Variants in SCNN1D observed in about 807,000 individuals in gnomAD.
SCNN1D encodes epithelial sodium channel subunit delta.
SCNN1D carries 104 observed loss-of-function variants against 87.8 expected under a neutral mutation model. The ratio of observed to expected loss-of-function variants is 1.18; its 90% CI spans 1.01 to 1.39. The LOEUF (loss-of-function observed/expected upper bound fraction) is 1.39, where lower values mean the gene tolerates loss of function less well. SCNN1D is among the 40% of genes most tolerant of loss of function. The pLI is 0.00. For missense variants in SCNN1D, 1,324 were observed against 1,093.9 expected (o/e 1.21, Z -2.97); for synonymous variants, 628 against 481.2 (o/e 1.31, Z -3.99).
At chr1:1,288,507 C>T (rs867662711) in intron 12 of SCNN1D, among the ~76,000 whole-genome samples, 459 of 43,768 alleles carry the variant, frequency 0.01, no homozygotes, top group East Asian at 0.012. Flanking sequence ...GTGTCTCTGC[C>T]CCGTCCCGTG....
chr1:1,280,881 C>T (rs994226039), intron 1 of SCNN1D: 4 of 585,864 alleles, frequency 6.8e-6, no homozygotes, highest in African/African-American at 1.9e-5. Context: ...ACCCTCAGCA[C>T]CCACCCAGGC....
Position 1,291,659 on chromosome 1 carries a change from G to A in SCNN1D, c.*49G>A, listed in dbSNP as rs754742114. 7.1e-7 allele frequency: 1 copy of A among 1,399,252 alleles called. No homozygotes were observed. Among genetic ancestry groups the A allele is most frequent in the South Asian group, 1.5e-5 (1 of 68,356 alleles). The allele number at this position is 1,399,252 out of a possible 1,614,324, so 86.7% of individuals were successfully genotyped here. Reference sequence around the variant, plus strand: ...ATCTCTTGGCCTGGTCCTTGCAGCTGTGGCAGCAGCAGGCTCCCCAGCGGC... The same window carrying A: ...ATCTCTTGGCCTGGTCCTTGCAGCTATGGCAGCAGCAGGCTCCCCAGCGGC... On this transcript the variant is annotated 3_prime_UTR_variant, in exon 18 of 18. Transcript: ENST00000379116.
chr1:1,280,815 CGCACCTTACTCCTCCCAGCA>C, intron 1 of SCNN1D, 149 bp downstream of exon 1: 1 of 625,096 alleles, frequency 1.6e-6, no homozygotes, highest in East Asian at 2.8e-5. Context: ...GCAGCCCACA[CGCACCTTACTCCTCCCAGCA>C]GGGGACACCG....
In SCNN1D at chr1:1,286,804, C is replaced by T. The variant is rs773467246; in HGVS notation, c.948C>T (p.Asp316=). 33 of 1,612,572 alleles carry T rather than the reference C, an allele frequency of 2.0e-5. No individual in the cohort carries two copies. The highest frequency in any genetic ancestry group is 1.3e-4 in the Admixed American group (8 of 59,998). The change falls in exon 8 of 18, where the codon GAC becomes GAT. Residue 316 remains aspartate (D), a synonymous_variant. Transcript: ENST00000379116. ...SPVLRHLELL[D]EFARENIDSL... Reference sequence around the variant, plus strand: ...TCCTCCGCCATCTGGAGCTGCTGGACGAGTTTGCCAGGGAGAACATTGACT... The same window carrying T: ...TCCTCCGCCATCTGGAGCTGCTGGATGAGTTTGCCAGGGAGAACATTGACT...
Position 1,291,065 on chromosome 1 carries a change from G to A in SCNN1D, c.1977G>A (p.Arg659=), listed in dbSNP as rs1411348134. 3.1e-6 allele frequency: 5 copies of A among 1,611,932 alleles called. No homozygotes were observed. Among genetic ancestry groups the A allele is most frequent in the Middle Eastern group, 3.3e-4 (2 of 6,058 alleles). ...CCCTCATGCCTCTATCCTGCCCCAG[G>A]AGCAGCCTGGCCAAAATCAACATCG... ...QGLPHQSHRQ[R]SSLAKINIVY... The change falls in exon 17 of 18, where the codon AGG becomes AGA. Residue 659 remains arginine, a splice_region_variant and synonymous_variant. Coordinates refer to ENST00000379116, the MANE Select transcript of SCNN1D (RefSeq NM_001130413.4).
chr1:1,283,397 A>G (rs1183872069), intron 4 of SCNN1D, among the ~76,000 whole-genome samples: 1 of 152,164 alleles, frequency 6.6e-6, no homozygotes, highest in African/African-American at 2.4e-5. Context: ...AGGAGCTGGC[A>G]GAGAAAGATG....
Position 1,290,558 on chromosome 1 carries a change from G to A in SCNN1D, c.1859+3G>A, listed in dbSNP as rs543630620. Reference sequence around the variant, plus strand: ...TCCCGCTGCCCCAGGCCCTGCAGGTGAGACGGGGGTGTTGGGGTCGCGGCC... The same window carrying A: ...TCCCGCTGCCCCAGGCCCTGCAGGTAAGACGGGGGTGTTGGGGTCGCGGCC... On this transcript the variant is annotated splice_donor_region_variant and intron_variant, in intron 14 of 17. Coordinates refer to ENST00000379116, the MANE Select transcript of SCNN1D (RefSeq NM_001130413.4). 2 of 1,612,624 alleles carry A rather than the reference G, an allele frequency of 1.2e-6. No individual in the cohort carries two copies. Among genetic ancestry groups the A allele is most frequent in the Non-Finnish European group, 1.7e-6 (2 of 1,179,900 alleles).
intron 3 of SCNN1D, 121 bp from the exon 4 acceptor site, chr1:1,282,121 C>T (rs1256204966): frequency 3.0e-6 from 2 of 661,752 alleles, no homozygotes; most frequent in East Asian, 2.7e-5. Context: ...CATCAGCAAG[C>T]CCCCTGCCGC....
chr1:1,290,145 G>GTCCCGTGTCTCTGCTCCA, intron 12 of SCNN1D, 126 bp from the exon 13 acceptor site: 1 of 428,368 alleles, frequency 2.3e-6, no homozygotes, highest in Non-Finnish European at 3.8e-6. Flanking sequence ...TCTCTGCTCC[G>GTCCCGTGTCTCTGCTCCA]TCCCGTGTCT....
rs965998394 is a variant in SCNN1D, at chr1:1,291,799, A to C, written c.*189A>C. 13 of 475,836 alleles carry C rather than the reference A, an allele frequency of 2.7e-5. No individual in the cohort carries two copies. The highest frequency in any genetic ancestry group is 7.6e-5 in the Admixed American group (2 of 26,350). The allele number at this position is 475,836 out of a possible 1,614,324, so 29.5% of individuals were successfully genotyped here. A position where few individuals can be genotyped will look rare whatever the true frequency, so the allele number is the denominator to read the frequency against. Reference sequence around the variant, plus strand: ...ACCTACACTGCCTGGGGTGGGTCTCAAGGAGGCCCGGGGCGGAGGGGGGTT... The same window carrying C: ...ACCTACACTGCCTGGGGTGGGTCTCCAGGAGGCCCGGGGCGGAGGGGGGTT... On this transcript the variant is annotated 3_prime_UTR_variant, in exon 18 of 18. Transcript: ENST00000379116.
chr1:1,280,805 G>T, intron 1 of SCNN1D, 139 bp downstream of exon 1: 1 of 635,620 alleles, frequency 1.6e-6, no homozygotes, highest in Non-Finnish European at 2.9e-6. Flanking sequence ...AACCTAGAAG[G>T]CAGCCCACAC....
At chr1:1,290,782 C>A in intron 15 of SCNN1D, 88 bp downstream of exon 15, 2 of 1,579,374 alleles carry the variant, frequency 1.3e-6, no homozygotes, top group Non-Finnish European at 1.7e-6. Flanking sequence ...AAGGGCAGGG[C>A]CGGAACTGAC....
chr1:1,290,279 G>C lies in SCNN1D; in HGVS notation c.1671G>C (p.Leu557=). 1 of 1,566,008 alleles carries C rather than the reference G, an allele frequency of 6.4e-7. No homozygotes were observed. The highest frequency in any genetic ancestry group is 8.7e-7 in the Non-Finnish European group (1 of 1,154,618). The change falls in exon 13 of 18, where the codon CTG becomes CTC. Residue 557 remains leucine (L), a synonymous_variant. Transcript: ENST00000379116. ...HNTSYTRQAC[L]VSCFQQLMVE... ...ATCCCCCCTGTCCCCAGGCCTGCCT[G>C]GTGTCCTGCTTCCAGCAGCTGATGG...
chr1:1,283,871 G>C (rs1021293709), intron 4 of SCNN1D, 107 bp from the exon 5 acceptor site: 1 of 541,064 alleles, frequency 1.8e-6, no homozygotes, highest in East Asian at 5.0e-5. Context: ...GGGCATCTCT[G>C]TCCCCCAGGA....
chr1:1,290,249 T>C (rs751315834), intron 12 of SCNN1D, 22 bp from the exon 13 acceptor site: 2 of 1,522,352 alleles, frequency 1.3e-6, no homozygotes, highest in Non-Finnish European at 1.8e-6. Context: ...CCCATGTCCC[T>C]GCTCATCCCC....
rs1367422873 is a variant in SCNN1D at position 1,288,275 on chromosome 1, CCCCGAGTCTCTGCTCCGT to C, written c.1662+243_1662+260del. Among the ~76,000 whole-genome samples, 79 of 58,768 alleles carry C rather than the reference CCCCGAGTCTCTGCTCCGT, an allele frequency of 1.3e-3. 8 individuals carry two copies. In the African/African-American group the frequency reaches 0.016, roughly 12 times the overall value. The allele number at this position is 58,768 out of a possible 152,430, so 38.6% of individuals were successfully genotyped here. A position where few individuals can be genotyped will look rare whatever the true frequency, so the allele number is the denominator to read the frequency against. On this transcript the variant is annotated intron_variant, in intron 12 of 17. Transcript: ENST00000379116. ...CTCCGTCCCGTGTCTCTGCTCCGTC[CCCCGAGTCTCTGCTCCGT>C]CCCGTGTCTGCTCCGTCCCGTGTCC...
Position 1,288,053 on chromosome 1 carries a change from C to A in SCNN1D, c.1662+16C>A. The A allele has an allele frequency of 1.5e-6, 2 of 1,371,974 alleles. No individual in the cohort carries two copies. Among genetic ancestry groups the A allele is most frequent in the Non-Finnish European group, 9.6e-7 (1 of 1,037,584 alleles). 85.0% of individuals were successfully genotyped at this position (1,371,974 alleles called of 1,614,324 possible). A position where few individuals can be genotyped will look rare whatever the true frequency, so the allele number is the denominator to read the frequency against. On this transcript the variant is annotated intron_variant, in intron 12 of 17. Transcript: ENST00000379116. ...CACCAGGCAGGTGAGGCTGGGCTGG[C>A]AGGGGGTGCGGGGGCAGGTGAGGCT...
intron 12 of SCNN1D, among the ~76,000 whole-genome samples, chr1:1,289,952 GTC>G (rs1278072227): frequency 3.5e-5 from 2 of 57,062 alleles, no homozygotes; most frequent in Non-Finnish European, 5.5e-5. Context: ...TCCGTCCCGT[GTC>G]TCTGCTCCGT....
In SCNN1D at chr1:1,291,376, C is replaced by CGGCCG; in HGVS notation, c.2176_2180dup (p.Arg728AlafsTer51). On this transcript the variant is annotated frameshift_variant, in exon 18 of 18. Transcript: ENST00000379116. LOFTEE classifies it low-confidence loss of function (END_TRUNC). ...CTTCTGCCCTCACCCTGGTGCTAGG[C>CGGCCG]GGCCGCCGGCTCCGCAGGGCGTGGT... 6.2e-7 allele frequency: 1 copy of CGGCCG among 1,608,392 alleles called. No homozygotes were observed. Among genetic ancestry groups the CGGCCG allele is most frequent in the Non-Finnish European group, 8.5e-7 (1 of 1,178,492 alleles).
Sources: allele counts gnomAD v4.1 joint callset (sites outside exome capture counted in the v4.1 genomes callset), GRCh38; gene constraint gnomAD v4.1.1; transcripts MANE v1.5; gene names NCBI Gene and HGNC (gene_info 2026-07-23, HGNC 2026-07-21).